The following NALCN variants were observed in gnomAD, a reference collection of about 807,000 sequenced individuals.
NALCN encodes the protein sodium leak channel NALCN.
In NALCN, 111 loss-of-function variants were observed where a neutral mutation model predicts 225.3. That is an observed-to-expected ratio of 0.49 (90% CI 0.42 to 0.58). The LOEUF is 0.58. Ranked by LOEUF, NALCN falls within the 20% of genes least tolerant of loss-of-function variation. NALCN has a pLI of 0.00. For synonymous variants in NALCN, 764 were observed against 769.0 expected (o/e 0.99, Z 0.11); for missense variants, 1,378 against 2,202.4 (o/e 0.63, Z 7.49).
rs78441650 is a variant in NALCN, at chr13:101,215,857, C to T, written c.1626+13536G>A. Reference sequence around the variant, plus strand: ...CTCCTAATGCAAGCCAACAGAAGACCCTTTCTTGCTTTAAATCTAAGAAAA... The same window carrying T: ...CTCCTAATGCAAGCCAACAGAAGACTCTTTCTTGCTTTAAATCTAAGAAAA... On this transcript the variant is annotated intron_variant, in intron 13 of 43. Coordinates refer to ENST00000251127, the MANE Select transcript of NALCN (RefSeq NM_052867.4). Among the ~76,000 whole-genome samples, 1,308 of 152,234 alleles carry T rather than the reference C, an allele frequency of 8.6e-3. 15 individuals are homozygous for T. The highest frequency in any genetic ancestry group is 0.029 in the African/African-American group (1,225 of 41,542).
chr13:101,120,575 T>A (rs1252247388), intron 18 of NALCN, among the ~76,000 whole-genome samples: 1 of 149,190 alleles, frequency 6.7e-6, no homozygotes, highest in East Asian at 2.0e-4. Flanking sequence ...TTAAAGGTAA[T>A]ACATGTGTCT....
At chr13:101,352,697 G>C (rs1040061323) in intron 6 of NALCN, among the ~76,000 whole-genome samples, 6 of 152,028 alleles carry the variant, frequency 3.9e-5, no homozygotes, top group African/African-American at 1.2e-4. Flanking sequence ...TAGTAGGTGA[G>C]AAAGGACAAA....
At chr13:101,055,818 A>G (rs888275628) in intron 43 of NALCN, among the ~76,000 whole-genome samples, 7 of 152,124 alleles carry the variant, frequency 4.6e-5, no homozygotes, top group African/African-American at 1.7e-4. Context: ...TGCATTCATT[A>G]GCATATGCAA....
At chr13:101,057,842 C>A (rs2031449845) in intron 43 of NALCN, 97 bp downstream of exon 43, 2 of 919,554 alleles carry the variant, frequency 2.2e-6, no homozygotes, top group Non-Finnish European at 3.6e-6. Context: ...ACTGTAGATG[C>A]AGACTTGCAT....
chr13:101,237,785 A>G lies in NALCN; in HGVS notation c.1404T>C (p.Asp468=). 1.3e-6 allele frequency: 2 copies of G among 1,598,434 alleles called. No individual in the cohort carries two copies. Among genetic ancestry groups the G allele is most frequent in the Non-Finnish European group, 8.5e-7 (1 of 1,174,230 alleles). Residue 468 remains aspartate (D), a synonymous_variant, in exon 12 of 44, where the codon GAT becomes GAC. Transcript: ENST00000251127. ...VIGTTLHVYP[D]LYHSQFTYFQ... ...AGTACGTGAATTGTGAATGATAAAG[A>G]TCTGGGTATACATGAAGAGTAGTTC...
intron 14 of NALCN, among the ~76,000 whole-genome samples, chr13:101,185,524 A>G (rs1253858490): frequency 6.6e-6 from 1 of 152,242 alleles, no homozygotes; most frequent in East Asian, 1.9e-4. Flanking sequence ...AATCATTGGC[A>G]AAGATGGGGA....
At chr13:101,177,129 T>G (rs1566386755) in intron 14 of NALCN, among the ~76,000 whole-genome samples, 4 of 152,152 alleles carry the variant, frequency 2.6e-5, no homozygotes, top group African/African-American at 9.7e-5. Flanking sequence ...CAACAGCCAC[T>G]GGAGTGACCC....
chr13:101,403,835 C>A (rs1270503963), intron 1 of NALCN, among the ~76,000 whole-genome samples: 16 of 152,134 alleles, frequency 1.1e-4, no homozygotes, highest in Admixed American at 1.0e-3. Context: ...TGCTTAGTAT[C>A]CCTGGCACAG....
chr13:101,116,185 G>A (rs894588474), intron 18 of NALCN, among the ~76,000 whole-genome samples: 3 of 151,840 alleles, frequency 2.0e-5, no homozygotes, highest in African/African-American at 7.3e-5. Flanking sequence ...CACATTCCCA[G>A]TTGCAAAAAT....
At chr13:101,093,460 T>C (rs2139566604) in intron 28 of NALCN, among the ~76,000 whole-genome samples, 1 of 152,312 alleles carries the variant, frequency 6.6e-6, no homozygotes, top group Middle Eastern at 3.4e-3. Flanking sequence ...ATCGAAGGTG[T>C]CTATTTCACT....
chr13:101,361,181 G>C (rs535960258), intron 6 of NALCN, among the ~76,000 whole-genome samples: 1 of 152,130 alleles, frequency 6.6e-6, no homozygotes, highest in African/African-American at 2.4e-5. Context: ...TGGTGCTGCT[G>C]TAGTTATGCA....
intron 6 of NALCN, among the ~76,000 whole-genome samples, chr13:101,371,557 A>G (rs2046540341): frequency 6.6e-6 from 1 of 152,158 alleles, no homozygotes; most frequent in African/African-American, 2.4e-5. Flanking sequence ...TATTTGCTGT[A>G]AAGTTGTGAT....
At position 101,057,984 on chromosome 13, in the gene NALCN, C is replaced by T. The variant is rs983108567; in HGVS notation, c.4978G>A (p.Ala1660Thr). The change falls in exon 43 of 44, where the codon GCA becomes ACA. Residue 1660 changes from alanine (A) to threonine (T), a missense_variant. By Grantham distance (58) the Ala-to-Thr change is moderately conservative (BLOSUM62 0). Transcript: ENST00000251127. ...CCAAATTTCCTCTGGGGTTTCCCTG[C>T]GTCGGCTGCATCTTGCCGACTTCCT... Reference protein sequence around the residue: ...RGGSRQDAADAGKPQRKFGQW... With the variant: ...RGGSRQDAADTGKPQRKFGQW... The T allele has an allele frequency of 4.3e-6, 7 of 1,613,838 alleles. No individual in the cohort carries two copies. The highest frequency in any genetic ancestry group is 1.6e-4 in the Middle Eastern group (1 of 6,084).
intron 10 of NALCN, among the ~76,000 whole-genome samples, chr13:101,267,283 T>G (rs1490146842): frequency 1.3e-5 from 2 of 152,182 alleles, no homozygotes; most frequent in African/African-American, 4.8e-5. Flanking sequence ...CTCTTGACTT[T>G]ACAACACAAA....
intron 13 of NALCN, among the ~76,000 whole-genome samples, chr13:101,197,253 G>A (rs769864273): frequency 4.6e-5 from 7 of 152,088 alleles, no homozygotes; most frequent in Non-Finnish European, 8.8e-5. Context: ...AGTCTTAAGG[G>A]ATGAGCCTAG....
chr13:101,124,779 G>T, intron 17 of NALCN, 98 bp from the exon 18 acceptor site: 1 of 1,014,902 alleles, frequency 9.9e-7, no homozygotes, highest in Non-Finnish European at 1.5e-6. Flanking sequence ...CATGAAACAT[G>T]AATATGTTTC....
intron 15 of NALCN, among the ~76,000 whole-genome samples, chr13:101,146,661 C>A (rs910403208): frequency 2.6e-5 from 4 of 152,032 alleles, no homozygotes; most frequent in African/African-American, 9.7e-5. Flanking sequence ...TAAGACAGAG[C>A]AGAAATAAAG....
At chr13:101,143,412 A>G (rs893119310) in intron 16 of NALCN, among the ~76,000 whole-genome samples, 191 bp from the exon 17 acceptor site, 8 of 152,102 alleles carry the variant, frequency 5.3e-5, no homozygotes, top group Admixed American at 5.2e-4. Flanking sequence ...AAAAAGCAAT[A>G]TCCTTGAAAT....
At chr13:101,366,404 C>T (rs1434915603) in intron 6 of NALCN, among the ~76,000 whole-genome samples, 1 of 152,042 alleles carries the variant, frequency 6.6e-6, no homozygotes. Flanking sequence ...ACTATGAAAC[C>T]CAAGATATGC....
Sources: gnomAD v4.1 joint callset for allele counts (sites outside exome capture counted in the v4.1 genomes callset) on GRCh38, gnomAD v4.1.1 for gene constraint, MANE v1.5 for transcripts, NCBI Gene and HGNC (gene_info 2026-07-23, HGNC 2026-07-21) for gene names.